Variants in FGF14 observed in about 807,000 individuals in gnomAD.
FGF14 encodes fibroblast growth factor homologous factor 4.
A neutral mutation model predicts 25.5 loss-of-function variants in FGF14; 5 were observed. The ratio of observed to expected loss-of-function variants is 0.20; its 90% CI spans 0.10 to 0.41. The LOEUF is 0.41. FGF14 is among the 10% of genes least tolerant of loss of function. The probability of loss-of-function intolerance (pLI) is 1.00; values close to 1 mark genes in which losing one functional copy is unlikely to be tolerated. For synonymous variants in FGF14, 138 were observed against 118.3 expected (o/e 1.17, Z -1.08); for missense variants, 222 against 320.1 (o/e 0.69, Z 2.34).
chr13:101,857,405 C>T (rs1332195028), intron 3 of FGF14, among the ~76,000 whole-genome samples: 2 of 151,950 alleles, frequency 1.3e-5, no homozygotes, highest in Non-Finnish European at 2.9e-5. Context: ...ACATGTGACT[C>T]ATCTCTCTTT....
intron 3 of FGF14, among the ~76,000 whole-genome samples, chr13:101,849,286 G>A (rs1272934431): frequency 5.3e-5 from 8 of 151,998 alleles, no homozygotes; most frequent in Admixed American, 3.9e-4. Context: ...CAAAATCACC[G>A]TAAGCGACCG....
chr13:101,855,492 A>G (rs1419680730), intron 3 of FGF14, among the ~76,000 whole-genome samples: 2 of 151,978 alleles, frequency 1.3e-5, no homozygotes, highest in African/African-American at 4.8e-5. Flanking sequence ...GAAAAGTTTC[A>G]GCAGACCCCT....
At chr13:102,175,652 T>C (rs2048415883) in intron 1 of FGF14, among the ~76,000 whole-genome samples, 1 of 152,002 alleles carries the variant, frequency 6.6e-6, no homozygotes, top group African/African-American at 2.4e-5. Context: ...GGAGAAAATG[T>C]TTGCAAACTA....
At chr13:101,853,714 C>G (rs2043977446) in intron 3 of FGF14, among the ~76,000 whole-genome samples, 1 of 151,944 alleles carries the variant, frequency 6.6e-6, no homozygotes, top group African/African-American at 2.4e-5. Flanking sequence ...CCTCGGCCTC[C>G]CAAAGCACTG....
chr13:102,201,683 T>C lies in FGF14; in HGVS notation c.208+199788A>G, dbSNP rs371474724. Among the ~76,000 whole-genome samples, 129 of 152,322 alleles carry C rather than the reference T, an allele frequency of 8.5e-4. 1 individual carries two copies. Among genetic ancestry groups the C allele is most frequent in the East Asian group, 4.0e-3 (21 of 5,188 alleles). On this transcript the variant is annotated intron_variant, in intron 1 of 4. Coordinates refer to the FGF14 transcript ENST00000376131. ...GATGTATAAGACAAGGTGAAGAAGA[T>C]AGCAGAGGGAAATGTTTGGAAAGAA...
chr13:101,767,704 C>G lies in FGF14; in HGVS notation c.409-40894G>C, dbSNP rs983573945. ...AAGTTTTGGAGTAGAGGGAGTAGTTCGATGACTGGCAGAGAAGCGGGTAAG... is the reference window on the plus strand; with the variant it reads ...AAGTTTTGGAGTAGAGGGAGTAGTTGGATGACTGGCAGAGAAGCGGGTAAG... On this transcript the variant is annotated intron_variant, in intron 3 of 4. Coordinates refer to ENST00000376143, the MANE Select transcript of FGF14 (RefSeq NM_004115.4). Among the ~76,000 whole-genome samples, 3 of 152,036 alleles carry G rather than the reference C, an allele frequency of 2.0e-5. No individual in the cohort carries two copies. The South Asian group carries it at 6.2e-4, about 32-fold the overall frequency.
At chr13:101,858,683 C>T (rs1363916379) in intron 3 of FGF14, among the ~76,000 whole-genome samples, 1 of 151,976 alleles carries the variant, frequency 6.6e-6, no homozygotes, top group East Asian at 1.9e-4. Context: ...TAGTTTTTAA[C>T]CCCCAGAGGA....
At chr13:102,123,421 T>C (rs765348118) in intron 1 of FGF14, among the ~76,000 whole-genome samples, 11 of 152,216 alleles carry the variant, frequency 7.2e-5, no homozygotes, top group Non-Finnish European at 1.6e-4. Flanking sequence ...TTGAAATGCA[T>C]ATAATGCTGC....
At chr13:102,030,862 T>C (rs571368165) in intron 1 of FGF14, among the ~76,000 whole-genome samples, 8 of 152,224 alleles carry the variant, frequency 5.3e-5, no homozygotes, top group African/African-American at 1.4e-4. Flanking sequence ...AAATATGGTG[T>C]AAGCGAATAC....
chr13:101,778,929 C>T (rs1047389275), intron 3 of FGF14: 5 of 151,960 alleles, frequency 3.3e-5, no homozygotes, highest in Admixed American at 6.6e-5. Context: ...ATTATGCAGC[C>T]GAGTGAGTTT....
chr13:101,745,112 T>C (rs1321736145), intron 3 of FGF14, among the ~76,000 whole-genome samples: 1 of 152,096 alleles, frequency 6.6e-6, no homozygotes, highest in African/African-American at 2.4e-5. Context: ...TGTAACTAAA[T>C]GATTATTCAT....
chr13:102,371,653 C>G (rs2057888550), intron 1 of FGF14, among the ~76,000 whole-genome samples: 1 of 152,062 alleles, frequency 6.6e-6, no homozygotes, highest in Non-Finnish European at 1.5e-5. Context: ...ATACCCTTAG[C>G]ACTAAGCACA....
intron 1 of FGF14, among the ~76,000 whole-genome samples, chr13:102,332,759 A>C (rs1003234016): frequency 1.3e-5 from 2 of 152,174 alleles, no homozygotes; most frequent in Non-Finnish European, 2.9e-5. Context: ...ATTTTTACTT[A>C]TAAGTTTCTT....
rs553832015 is a variant in FGF14 at position 101,938,889 on chromosome 13, C to A, written c.209-63593G>T. ...GATAACTTCATTAAGGAGAGTAGTT[C>A]TTCACTGAGGGCATTTTTGCCCTCC... On this transcript the variant is annotated intron_variant, in intron 1 of 4. Coordinates refer to the FGF14 transcript ENST00000376131. Among the ~76,000 whole-genome samples, 24 of 152,306 alleles carry A rather than the reference C, an allele frequency of 1.6e-4. No individual in the cohort carries two copies. In the South Asian group the frequency reaches 4.8e-3, roughly 30 times the overall value.
chr13:102,303,441 CA>C (rs2055188257), intron 1 of FGF14, among the ~76,000 whole-genome samples: 1 of 152,018 alleles, frequency 6.6e-6, no homozygotes, highest in East Asian at 1.9e-4. Context: ...TCACAGATTT[CA>C]AAACTATAAA....
chr13:101,931,474 C>T (rs2034744977), intron 1 of FGF14, among the ~76,000 whole-genome samples: 1 of 152,178 alleles, frequency 6.6e-6, no homozygotes, highest in South Asian at 2.1e-4. Context: ...GCAATTATCT[C>T]AATTCTCTGA....
intron 1 of FGF14, among the ~76,000 whole-genome samples, chr13:101,982,608 A>G (rs1041620959): frequency 7.9e-5 from 12 of 152,168 alleles, no homozygotes; most frequent in African/African-American, 2.7e-4. Flanking sequence ...AAGAGTGCAA[A>G]TTTGCATTTT....
intron 1 of FGF14, among the ~76,000 whole-genome samples, chr13:102,266,234 T>G (rs1371445372): frequency 1.3e-5 from 2 of 152,124 alleles, no homozygotes; most frequent in East Asian, 1.9e-4. Flanking sequence ...TAAAGGTGAA[T>G]GACAAATATT....
At chr13:102,373,399 G>A (rs2057944696) in intron 1 of FGF14, 1 of 152,144 alleles carries the variant, frequency 6.6e-6, no homozygotes, top group African/African-American at 2.4e-5. Flanking sequence ...AAACAAGTCT[G>A]CTCATCCCTT....
Sources: allele counts gnomAD v4.1 joint callset (sites outside exome capture counted in the v4.1 genomes callset), GRCh38; gene constraint gnomAD v4.1.1; transcripts MANE v1.5; gene names NCBI Gene and HGNC (gene_info 2026-07-23, HGNC 2026-07-21).